Variants in L3MBTL4 observed in about 807,000 individuals in gnomAD.
L3MBTL4 encodes L3MBTL histone methyl-lysine binding protein 4, also known as lethal(3)malignant brain tumor-like protein 4.
In L3MBTL4, 70 loss-of-function variants were observed where a neutral mutation model predicts 84.5. That is an observed-to-expected ratio of 0.83 (90% CI 0.68 to 1.01). The LOEUF is 1.01. Among genes scored for constraint, L3MBTL4 ranks in the 50% least tolerant of loss-of-function variants. L3MBTL4 has a pLI of 0.00. For synonymous variants in L3MBTL4, 274 were observed against 259.8 expected (o/e 1.05, Z -0.52); for missense variants, 715 against 754.8 (o/e 0.95, Z 0.62).
chr18:6,411,174 A>G (rs1359478040), intron 1 of L3MBTL4, among the ~76,000 whole-genome samples: 7 of 152,226 alleles, frequency 4.6e-5, no homozygotes, highest in Admixed American at 4.6e-4. Context: ...TCCCCCAAGC[A>G]TCTTCTAATT....
intron 16 of L3MBTL4, among the ~76,000 whole-genome samples, chr18:6,022,608 T>G (rs1218171992): frequency 1.3e-5 from 2 of 152,188 alleles, no homozygotes; most frequent in Non-Finnish European, 2.9e-5. Flanking sequence ...CCAAGCATAG[T>G]GCTACTTACT....
intron 13 of L3MBTL4, among the ~76,000 whole-genome samples, chr18:6,147,693 G>A (rs2042714738): frequency 6.6e-6 from 1 of 152,088 alleles, no homozygotes; most frequent in South Asian, 2.1e-4. Context: ...CTTCCACTCA[G>A]AAACAATCAC....
At chr18:5,982,938 T>C (rs942941653) in intron 16 of L3MBTL4, among the ~76,000 whole-genome samples, 4 of 152,202 alleles carry the variant, frequency 2.6e-5, no homozygotes, top group Non-Finnish European at 4.4e-5. Flanking sequence ...AGCTATCATA[T>C]CAGAAATGCC....
chr18:6,127,574 G>C (rs910579304), intron 14 of L3MBTL4, among the ~76,000 whole-genome samples: 3 of 152,152 alleles, frequency 2.0e-5, no homozygotes, highest in Non-Finnish European at 2.9e-5. Flanking sequence ...TTGTCCTTGC[G>C]AATAAATCCT....
At chr18:6,054,090 G>T (rs2060478635) in intron 16 of L3MBTL4, among the ~76,000 whole-genome samples, 1 of 152,040 alleles carries the variant, frequency 6.6e-6, no homozygotes, top group Non-Finnish European at 1.5e-5. Context: ...TTGTGTGTTT[G>T]TCCATTCTTA....
At chr18:6,004,996 A>ACTTTT (rs1567973105) in intron 16 of L3MBTL4, among the ~76,000 whole-genome samples, 2 of 41,998 alleles carry the variant, frequency 4.8e-5, no homozygotes, top group African/African-American at 1.1e-4. Context: ...TTAAGATGAT[A>ACTTTT]ATTTTTTTTT....
At chr18:6,057,285 T>C (rs1164389376) in intron 16 of L3MBTL4, among the ~76,000 whole-genome samples, 1 of 152,220 alleles carries the variant, frequency 6.6e-6, no homozygotes, top group East Asian at 1.9e-4. Flanking sequence ...TCTGCCTGCC[T>C]TGGGCTCCCA....
At chr18:6,080,199 A>C (rs573006490) in intron 16 of L3MBTL4, 1 of 152,512 alleles carries the variant, frequency 6.6e-6, no homozygotes, top group South Asian at 2.1e-4. Flanking sequence ...TCTAGAAGGC[A>C]GACAGATCTC....
At chr18:6,108,087 A>G (rs996054898) in intron 14 of L3MBTL4, among the ~76,000 whole-genome samples, 1 of 152,108 alleles carries the variant, frequency 6.6e-6, no homozygotes, top group Non-Finnish European at 1.5e-5. Context: ...ATCTAATTTG[A>G]GCAAGGAGAC....
In L3MBTL4 at chr18:6,378,432, T is replaced by C. The variant is rs115116718; in HGVS notation, c.-91+36369A>G. Among the ~76,000 whole-genome samples the C allele has an allele frequency of 7.3e-3, 1,108 of 152,346 alleles. 22 individuals carry two copies. The highest frequency in any genetic ancestry group is 0.026 in the African/African-American group (1,064 of 41,564). On this transcript the variant is annotated intron_variant, in intron 1 of 18. Transcript: ENST00000317931. ...GAATGGTATTGCCTAGGTTTTTGTC[T>C]AGTATTTTTATGGTCCCAGGTCTTA...
chr18:6,320,454 G>A (rs1024375138), intron 1 of L3MBTL4, among the ~76,000 whole-genome samples: 2 of 152,012 alleles, frequency 1.3e-5, no homozygotes, highest in African/African-American at 2.4e-5. Flanking sequence ...AAGTATACGA[G>A]TCAATAGCAC....
At chr18:6,145,012 T>C (rs2042588047) in intron 13 of L3MBTL4, among the ~76,000 whole-genome samples, 1 of 152,236 alleles carries the variant, frequency 6.6e-6, no homozygotes, top group Non-Finnish European at 1.5e-5. Context: ...TATGGTTTAA[T>C]TTTTGTGTTA....
chr18:5,993,488 A>C (rs1053604191), intron 16 of L3MBTL4, among the ~76,000 whole-genome samples: 50 of 152,166 alleles, frequency 3.3e-4, no homozygotes, highest in African/African-American at 1.2e-3. Flanking sequence ...TTGGTATTTC[A>C]CTCTATTTCT....
rs76867402 is a variant in L3MBTL4 at position 6,249,660 on chromosome 18, A to G, written c.220-5072T>C. ...CTTTCATCAGTCTCTCTTCTCTGTT[A>G]AATGGTTTATTCATGAACTGACAGG... On this transcript the variant is annotated intron_variant, in intron 5 of 18. Transcript: ENST00000317931. Among the ~76,000 whole-genome samples, 1,286 of 152,304 alleles carry G rather than the reference A, an allele frequency of 8.4e-3. 21 individuals are homozygous for G. The highest frequency in any genetic ancestry group is 0.03 in the African/African-American group (1,242 of 41,558).
chr18:6,292,885 CT>C, intron 4 of L3MBTL4, among the ~76,000 whole-genome samples: 1 of 109,750 alleles, frequency 9.1e-6, no homozygotes. Flanking sequence ...AACTCTAAGA[CT>C]AGTTCTACCC....
chr18:6,194,375 T>G (rs2045279200), intron 12 of L3MBTL4, among the ~76,000 whole-genome samples: 1 of 152,208 alleles, frequency 6.6e-6, no homozygotes, highest in African/African-American at 2.4e-5. Context: ...TGAAGCTACA[T>G]TTGGAATGAA....
At chr18:6,017,887 A>G (rs2055069207) in intron 16 of L3MBTL4, 2 of 152,184 alleles carry the variant, frequency 1.3e-5, no homozygotes, top group African/African-American at 4.8e-5. Context: ...TTGTGCAGAG[A>G]AAAGCGGAAA....
intron 5 of L3MBTL4, among the ~76,000 whole-genome samples, chr18:6,256,451 C>T (rs2048142406): frequency 6.6e-6 from 1 of 151,718 alleles, no homozygotes; most frequent in Admixed American, 6.6e-5. Context: ...CTCCAACAAC[C>T]CCCAGCCCCT....
At chr18:6,085,965 G>T (rs1568093160) in intron 15 of L3MBTL4, among the ~76,000 whole-genome samples, 2 of 152,128 alleles carry the variant, frequency 1.3e-5, no homozygotes, top group Non-Finnish European at 2.9e-5. Flanking sequence ...GAATTATTAA[G>T]GTGGACATTT....
Sources: gnomAD v4.1 joint callset for allele counts (sites outside exome capture counted in the v4.1 genomes callset) on GRCh38, gnomAD v4.1.1 for gene constraint, MANE v1.5 for transcripts, NCBI Gene and HGNC (gene_info 2026-07-23, HGNC 2026-07-21) for gene names.